Variants in CCL16 observed in about 807,000 individuals in gnomAD.
CCL16 encodes C-C motif chemokine 16.
A neutral mutation model predicts 7.5 loss-of-function variants in CCL16; 6 were observed. The ratio of observed to expected loss-of-function variants is 0.80; its 90% CI spans 0.44 to 1.57. CCL16 has a LOEUF of 1.57. Ranked by LOEUF, CCL16 falls within the 40% of genes most tolerant of loss-of-function variation. The probability of loss-of-function intolerance (pLI) is 0.01; values close to 1 mark genes in which losing one functional copy is unlikely to be tolerated. For synonymous variants in CCL16, 60 were observed against 57.7 expected (o/e 1.04, Z -0.18); for missense variants, 134 against 142.9 (o/e 0.94, Z 0.32).
At chr17:35,978,044 A>C in intron 2 of CCL16, 99 bp downstream of exon 2, 2 of 1,537,492 alleles carry the variant, frequency 1.3e-6, no homozygotes, top group Non-Finnish European at 1.8e-6. Flanking sequence ...CCACTGCTCC[A>C]CTGCTTCTAG....
chr17:35,979,155 A>G lies in CCL16; in HGVS notation c.77-892T>C, dbSNP rs142537779. Among the ~76,000 whole-genome samples the G allele has an allele frequency of 9.8e-4, 149 of 152,180 alleles. 1 individual carries two copies. The highest frequency in any genetic ancestry group is 6.9e-3 in the Admixed American group (105 of 15,276). ...GAAAAAAAAAAAAGGATTTAGACACACAAAGGACTTGTAGAATCTGGAAGA... is the reference window on the plus strand; with the variant it reads ...GAAAAAAAAAAAAGGATTTAGACACGCAAAGGACTTGTAGAATCTGGAAGA... On this transcript the variant is annotated intron_variant, in intron 1 of 2. Coordinates refer to ENST00000611905, the MANE Select transcript of CCL16 (RefSeq NM_004590.4).
At chr17:35,979,732 G>A (rs143150540) in intron 1 of CCL16, among the ~76,000 whole-genome samples, 10 of 152,182 alleles carry the variant, frequency 6.6e-5, no homozygotes, top group Admixed American at 4.6e-4. Flanking sequence ...TGGAAATGGC[G>A]CTTCCCCCCA....
At chr17:35,977,791 C>T (rs767347374) in intron 2 of CCL16, 60 bp from the exon 3 acceptor site, 47 of 1,552,976 alleles carry the variant, frequency 3.0e-5, no homozygotes, top group Non-Finnish European at 4.0e-5. Context: ...CCGGTGCCCA[C>T]CCCCACCTCT....
In CCL16 at chr17:35,978,157, G is replaced by C; in HGVS notation, c.183C>G (p.His61Gln). The change falls in exon 2 of 3, where the codon CAC becomes CAG. Residue 61 changes from histidine (H) to glutamine (Q), a missense_variant. Physicochemically the swap from His to Gln is conservative, Grantham distance 24. Coordinates refer to ENST00000611905, the MANE Select transcript of CCL16 (RefSeq NM_004590.4). ...GACGTGCTTACATGATTGCTGGCAG[G>C]TGACAGTTGAGGGCCTTTCTGTATC... ...VVGYRKALNC[H>Q]LPAIIFVTKR... 1 of 1,614,178 alleles carries C rather than the reference G, an allele frequency of 6.2e-7. No individual in the cohort carries two copies. Among genetic ancestry groups the C allele is most frequent in the Non-Finnish European group, 8.5e-7 (1 of 1,180,026 alleles).
chr17:35,979,932 G>C (rs554787827), intron 1 of CCL16, among the ~76,000 whole-genome samples: 3 of 152,258 alleles, frequency 2.0e-5, no homozygotes, highest in Non-Finnish European at 4.4e-5. Flanking sequence ...GAGTGGCAAA[G>C]CTTGGGACAT....
chr17:35,979,399 A>G (rs1262446993), intron 1 of CCL16, among the ~76,000 whole-genome samples: 1 of 152,110 alleles, frequency 6.6e-6, no homozygotes, highest in Non-Finnish European at 1.5e-5. Flanking sequence ...AGGGTGAGAG[A>G]GTAGAGCCTT....
At position 35,977,194 on chromosome 17, in the gene CCL16, TG is replaced by T. The variant is rs2089643538; in HGVS notation, c.*371del. 1 of 154,894 alleles carries T rather than the reference TG, an allele frequency of 6.5e-6. No homozygotes were observed. Among genetic ancestry groups the T allele is most frequent in the South Asian group, 2.1e-4 (1 of 4,864 alleles). The allele number at this position is 154,894 out of a possible 1,614,324, so 9.6% of individuals were successfully genotyped here. ...TTAGCCAGGTGTGGTGGCGCAAGCCTGTAGTCCCAGCTACTCGGGAGGCTGG... is the reference window on the plus strand; with the variant it reads ...TTAGCCAGGTGTGGTGGCGCAAGCCTTAGTCCCAGCTACTCGGGAGGCTGG... On this transcript the variant is annotated 3_prime_UTR_variant, in exon 3 of 3. Coordinates refer to ENST00000611905, the MANE Select transcript of CCL16 (RefSeq NM_004590.4).
At chr17:35,978,557 G>A (rs1406640082) in intron 1 of CCL16, among the ~76,000 whole-genome samples, 2 of 150,770 alleles carry the variant, frequency 1.3e-5, no homozygotes, top group African/African-American at 2.4e-5. Flanking sequence ...TGACTTGATC[G>A]GGCAAACATG....
intron 1 of CCL16, among the ~76,000 whole-genome samples, chr17:35,980,052 C>T (rs2089669354): frequency 6.6e-6 from 1 of 152,162 alleles, no homozygotes; most frequent in South Asian, 2.1e-4. Context: ...GCACTGTTCC[C>T]CCCTCCCACA....
chr17:35,978,666 A>T (rs1007051279), intron 1 of CCL16, among the ~76,000 whole-genome samples: 2 of 152,242 alleles, frequency 1.3e-5, no homozygotes, highest in African/African-American at 4.8e-5. Flanking sequence ...CAGGGTTGAA[A>T]GAGAAATTGA....
At chr17:35,979,867 C>T (rs1202850052) in intron 1 of CCL16, among the ~76,000 whole-genome samples, 2 of 152,164 alleles carry the variant, frequency 1.3e-5, no homozygotes, top group Non-Finnish European at 2.9e-5. Flanking sequence ...TCTCTCCCAG[C>T]CCCCAAACCT....
At chr17:35,978,337 C>G in intron 1 of CCL16, 74 bp from the exon 2 acceptor site, 1 of 1,601,976 alleles carries the variant, frequency 6.2e-7, no homozygotes, top group South Asian at 1.1e-5. Context: ...TGTCTCCCAC[C>G]ATTTGTGTTT....
chr17:35,976,646 C>T lies in CCL16; in HGVS notation c.*920G>A, dbSNP rs1313003626. ...GTGTCTCTTCTTCTTCTTCTTCTCTCTCTCTCTCTTTTTTTTTTTTTTCCA... is the reference window on the plus strand; with the variant it reads ...GTGTCTCTTCTTCTTCTTCTTCTCTTTCTCTCTCTTTTTTTTTTTTTTCCA... On this transcript the variant is annotated 3_prime_UTR_variant, in exon 3 of 3. Coordinates refer to ENST00000611905, the MANE Select transcript of CCL16 (RefSeq NM_004590.4). The T allele has an allele frequency of 6.6e-6, 1 of 151,000 alleles. No homozygotes were observed. Among genetic ancestry groups the T allele is most frequent in the Admixed American group, 6.6e-5 (1 of 15,146 alleles). 9.4% of individuals were successfully genotyped at this position (151,000 alleles called of 1,614,324 possible). A position where few individuals can be genotyped will look rare whatever the true frequency, so the allele number is the denominator to read the frequency against.
intron 1 of CCL16, among the ~76,000 whole-genome samples, chr17:35,979,492 A>G (rs534012753): frequency 5.6e-4 from 86 of 152,258 alleles, no homozygotes; most frequent in Non-Finnish European, 8.4e-4. Flanking sequence ...TTTTGACTTG[A>G]TTTGAATTTT....
chr17:35,978,338 A>G (rs2089656537), intron 1 of CCL16, 75 bp from the exon 2 acceptor site: 3 of 1,600,778 alleles, frequency 1.9e-6, no homozygotes, highest in Non-Finnish European at 1.7e-6. Flanking sequence ...GTCTCCCACC[A>G]TTTGTGTTTC....
In CCL16 at chr17:35,977,526, C is replaced by T; in HGVS notation, c.*40G>A. 6.3e-7 allele frequency: 1 copy of T among 1,595,372 alleles called. No individual in the cohort carries two copies. Among genetic ancestry groups the T allele is most frequent in the East Asian group, 2.2e-5 (1 of 44,772 alleles). ...TTCCCCTGTTTTCATAGGTTTACCC[C>T]TCTCTTCTGTAAACAAGGGCTTCCA... On this transcript the variant is annotated 3_prime_UTR_variant, in exon 3 of 3. Transcript: ENST00000611905.
intron 1 of CCL16, among the ~76,000 whole-genome samples, chr17:35,979,217 A>C (rs2141987674): frequency 6.6e-6 from 1 of 152,148 alleles, no homozygotes; most frequent in African/African-American, 2.4e-5. Flanking sequence ...GGGGAAGCTC[A>C]GTGTGTCTTG....
At chr17:35,977,785 T>C in intron 2 of CCL16, 54 bp from the exon 3 acceptor site, 1 of 1,576,332 alleles carries the variant, frequency 6.3e-7, no homozygotes, top group East Asian at 2.2e-5. Flanking sequence ...AGGAGTCCGG[T>C]GCCCACCCCC....
chr17:35,977,387 C>G lies in CCL16; in HGVS notation c.*179G>C. The G allele has an allele frequency of 2.0e-6, 1 of 492,394 alleles. No homozygotes were observed. 30.5% of individuals were successfully genotyped at this position (492,394 alleles called of 1,614,324 possible). On this transcript the variant is annotated 3_prime_UTR_variant, in exon 3 of 3. Transcript: ENST00000611905. ...AAAGAGCGTACCTCTGCCCACGTCC[C>G]TTAACTTTGGTATTTCCTCCTAAGA...
Sources: gnomAD v4.1 joint callset for allele counts (sites outside exome capture counted in the v4.1 genomes callset) on GRCh38, gnomAD v4.1.1 for gene constraint, MANE v1.5 for transcripts, NCBI Gene and HGNC (gene_info 2026-07-23, HGNC 2026-07-21) for gene names.